Variants in UIMC1 observed in about 807,000 individuals in gnomAD.
UIMC1 encodes ubiquitin interaction motif containing 1.
A neutral mutation model predicts 84.9 loss-of-function variants in UIMC1; 42 were observed. The observed-to-expected ratio is 0.49, with a 90% CI of 0.39 to 0.64. UIMC1 has a LOEUF of 0.64. UIMC1 is among the 30% of genes least tolerant of loss of function. UIMC1 has a pLI of 0.00. For synonymous variants in UIMC1, 281 were observed against 293.0 expected, an observed-to-expected ratio of 0.96 and a Z score of 0.42; for missense variants, 825 against 847.6, an observed-to-expected ratio of 0.97 and a Z score of 0.33.
intron 10 of UIMC1, among the ~76,000 whole-genome samples, chr5:176,938,237 C>G (rs1417070581): frequency 8.2e-6 from 1 of 121,508 alleles, no homozygotes; most frequent in Non-Finnish European, 1.8e-5. Context: ...TTTCCTTCCA[C>G]AGTAAAAAAA....
At chr5:177,017,565 T>C (rs1286615213) in intron 1 of UIMC1, among the ~76,000 whole-genome samples, 1 of 152,064 alleles carries the variant, frequency 6.6e-6, no homozygotes, top group African/African-American at 2.4e-5. Flanking sequence ...TTTTTGTATT[T>C]TTTAGTAGAG....
intron 10 of UIMC1, among the ~76,000 whole-genome samples, chr5:176,921,173 T>C (rs1052388978): frequency 1.3e-5 from 2 of 152,212 alleles, no homozygotes; most frequent in East Asian, 3.8e-4. Flanking sequence ...CCAAAAGTAT[T>C]AGTCTATCTG....
intron 1 of UIMC1, among the ~76,000 whole-genome samples, chr5:177,020,721 C>T (rs972617163): frequency 6.6e-6 from 1 of 152,150 alleles, no homozygotes; most frequent in African/African-American, 2.4e-5. Context: ...TGAGCCACTG[C>T]GCCAGGCCTA....
In UIMC1 at chr5:176,956,012, C is replaced by T. The variant is rs1766555874; in HGVS notation, c.1286G>A (p.Arg429Lys). 1 of 1,613,436 alleles carries T rather than the reference C, an allele frequency of 6.2e-7. No individual in the cohort carries two copies. Among genetic ancestry groups the T allele is most frequent in the Admixed American group, 1.7e-5 (1 of 59,950 alleles). ...SQSVAALTSK[R>K]SLVLMPESSA... ...ACTCTCTGGCATAAGGACTAAGCTT[C>T]TCTTACTGGTCAAAGCAGCAACACT... Residue 429 changes from arginine (R) to lysine (K), a missense_variant, in exon 8 of 15, where the codon AGA becomes AAA. Arg to Lys is a conservative substitution (Grantham distance 26). Coordinates refer to ENST00000511320, the MANE Select transcript of UIMC1 (RefSeq NM_001199298.2).
At chr5:177,014,057 C>CTTTTTTT (rs34686520) in intron 1 of UIMC1, among the ~76,000 whole-genome samples, 11 of 122,120 alleles carry the variant, frequency 9.0e-5, no homozygotes, top group Admixed American at 1.7e-4. Flanking sequence ...TTTTTCTTTT[C>CTTTTTTT]TTTTTTTTTT....
intron 3 of UIMC1, among the ~76,000 whole-genome samples, chr5:176,974,292 G>C (rs754966258): frequency 5.3e-5 from 8 of 151,976 alleles, no homozygotes; most frequent in African/African-American, 1.9e-4. Flanking sequence ...TTCAACACAA[G>C]GAAAGGACAG....
At chr5:176,920,655 G>A (rs984541224) in intron 10 of UIMC1, among the ~76,000 whole-genome samples, 9 of 152,052 alleles carry the variant, frequency 5.9e-5, no homozygotes, top group African/African-American at 1.2e-4. Context: ...TGCTAAACTC[G>A]TTTATTAGTT....
intron 6 of UIMC1, among the ~76,000 whole-genome samples, chr5:176,968,053 A>C (rs1002271738): frequency 6.6e-6 from 1 of 152,080 alleles, no homozygotes; most frequent in African/African-American, 2.4e-5. Flanking sequence ...TGTTCAAAAA[A>C]TTTTTTCATG....
At chr5:176,952,872 TAA>T (rs1457231329) in intron 8 of UIMC1, among the ~76,000 whole-genome samples, 1 of 152,148 alleles carries the variant, frequency 6.6e-6, no homozygotes, top group African/African-American at 2.4e-5. Flanking sequence ...AAAAAAATAG[TAA>T]TTATCTTTCA....
intron 10 of UIMC1, chr5:176,919,133 T>G (rs768703006): frequency 5.3e-6 from 2 of 380,662 alleles, no homozygotes; most frequent in Non-Finnish European, 1.0e-5. Flanking sequence ...TACCATATAA[T>G]CCACCCATTT....
At chr5:176,975,573 T>C in intron 2 of UIMC1, 93 bp from the exon 3 acceptor site, 1 of 1,191,466 alleles carries the variant, frequency 8.4e-7, no homozygotes, top group African/African-American at 1.5e-5. Context: ...GAGAGGCCTC[T>C]GAGGAATTGG....
chr5:177,012,167 G>A (rs1048220205), intron 1 of UIMC1, among the ~76,000 whole-genome samples: 2 of 151,996 alleles, frequency 1.3e-5, no homozygotes, highest in African/African-American at 2.4e-5. Context: ...TCCTAGCATC[G>A]AATCTCAATT....
chr5:176,975,551 C>T, intron 2 of UIMC1, 71 bp from the exon 3 acceptor site: 1 of 1,485,056 alleles, frequency 6.7e-7, no homozygotes, highest in Non-Finnish European at 9.4e-7. Context: ...CTTCTACCTC[C>T]CCTATGGCTA....
chr5:176,922,641 T>C (rs758031199), intron 10 of UIMC1, among the ~76,000 whole-genome samples: 7 of 152,266 alleles, frequency 4.6e-5, no homozygotes, highest in Non-Finnish European at 1.0e-4. Context: ...TTCATTGTTA[T>C]AAATAATGCT....
intron 1 of UIMC1, chr5:177,001,597 T>C (rs1774459650): frequency 6.6e-6 from 1 of 151,904 alleles, no homozygotes; most frequent in African/African-American, 2.4e-5. Context: ...ATTCTAAATG[T>C]ATATAGAAAG....
chr5:176,986,384 A>AAC (rs1772002706), intron 1 of UIMC1, among the ~76,000 whole-genome samples: 1 of 148,450 alleles, frequency 6.7e-6, no homozygotes, highest in African/African-American at 2.5e-5. Context: ...AAAAAAAAAA[A>AAC]AAAGTAAGGC....
At chr5:176,922,543 A>G (rs971865517) in intron 10 of UIMC1, among the ~76,000 whole-genome samples, 5 of 152,344 alleles carry the variant, frequency 3.3e-5, no homozygotes, top group African/African-American at 1.2e-4. Context: ...ATTATGGTTA[A>G]TATTTCAGAA....
At chr5:176,991,152 C>T (rs553156452) in intron 1 of UIMC1, among the ~76,000 whole-genome samples, 65 of 151,880 alleles carry the variant, frequency 4.3e-4, no homozygotes, top group African/African-American at 1.4e-3. Flanking sequence ...GGATTACAGG[C>T]GCCCGCCACC....
chr5:177,016,749 G>A lies in UIMC1; in HGVS notation c.-9+5715C>T, dbSNP rs535361977. Among the ~76,000 whole-genome samples, 291 of 147,242 alleles carry A rather than the reference G, an allele frequency of 2.0e-3. 2 individuals carry two copies. The highest frequency in any genetic ancestry group is 7.2e-3 in the African/African-American group (286 of 39,746). On this transcript the variant is annotated intron_variant, in intron 1 of 5. Coordinates refer to the UIMC1 transcript ENST00000509236. Reference sequence around the variant, plus strand: ...AAGAAAATTATCCAGTAGGCCGGGCGCGGCGGCTCATGCCTGTAATCCCAG... The same window carrying A: ...AAGAAAATTATCCAGTAGGCCGGGCACGGCGGCTCATGCCTGTAATCCCAG...
Sources: allele counts gnomAD v4.1 joint callset (sites outside exome capture counted in the v4.1 genomes callset), GRCh38; gene constraint gnomAD v4.1.1; transcripts MANE v1.5; gene names NCBI Gene and HGNC (gene_info 2026-07-23, HGNC 2026-07-21).